The following TUBA8 variants were observed in gnomAD, a reference collection of about 807,000 sequenced individuals.
TUBA8 encodes the protein tubulin alpha-8 chain.
In TUBA8, 29 loss-of-function variants were observed where a neutral mutation model predicts 34.7. That is an observed-to-expected ratio of 0.84 (90% CI 0.62 to 1.14). The LOEUF is 1.14. Ranked by LOEUF, TUBA8 falls within the 50% of genes most tolerant of loss-of-function variation. The probability of loss-of-function intolerance (pLI) is 0.00; values close to 1 mark genes in which losing one functional copy is unlikely to be tolerated. For synonymous variants in TUBA8, 226 were observed against 231.2 expected (o/e 0.98, Z 0.21); for missense variants, 541 against 599.2 (o/e 0.90, Z 1.01).
chr22:18,130,870 G>C lies in TUBA8; in HGVS notation c.1084G>C (p.Val362Leu). The change falls in exon 5 of 5, where the codon GTG (valine) becomes CTG (leucine). Residue 362 changes from valine to leucine, a missense_variant. Coordinates refer to ENST00000330423, the MANE Select transcript of TUBA8 (RefSeq NM_018943.3). ...KVGINYQPPT[V>L]VPGGDLAKVQ... Reference sequence around the variant, plus strand: ...GGGCATCAACTACCAGCCCCCGACCGTGGTCCCCGGGGGAGACCTGGCCAA... The same window carrying C: ...GGGCATCAACTACCAGCCCCCGACCCTGGTCCCCGGGGGAGACCTGGCCAA... The C allele has an allele frequency of 6.2e-7, 1 of 1,613,922 alleles. No homozygotes were observed.
rs185836779 is a variant in TUBA8 at position 18,124,327 on chromosome 22, C to T, written c.375+23C>T. On this transcript the variant is annotated intron_variant, in intron 3 of 4. Transcript: ENST00000330423. This position sits in a 1 kb window ranked among gnomAD's most constrained non-coding sequence, Gnocchi z 4.3. ...CTGGTAAGATCAGGAGGGCAGGGGA[C>T]GGGTGGGTCAGGCTGGAGTGGACAG... The T allele has an allele frequency of 2.0e-4, 308 of 1,577,924 alleles. 2 individuals carry two copies. Among genetic ancestry groups the T allele is most frequent in the South Asian group, 1.6e-3 (144 of 89,428 alleles).
chr22:18,127,594 C>T (rs28396504), intron 4 of TUBA8: 15,346 of 151,946 alleles, frequency 0.1, 1,425 homozygotes, highest in African/African-American at 0.25. Context: ...GGGGTTTCAC[C>T]GTGTTAGCCA....
At chr22:18,127,082 G>T in intron 4 of TUBA8, 48 bp downstream of exon 4, 4 of 1,604,664 alleles carry the variant, frequency 2.5e-6, no homozygotes, top group South Asian at 1.1e-5. Context: ...GAGAAGCAGA[G>T]GGAGGTGACC....
chr22:18,129,430 T>G (rs914224745), intron 4 of TUBA8: 1 of 152,248 alleles, frequency 6.6e-6, no homozygotes, highest in Non-Finnish European at 1.5e-5. Context: ...TTGCATTCTC[T>G]CCAACAGTAC....
At chr22:18,128,932 G>A (rs938276438) in intron 4 of TUBA8, 2 of 152,380 alleles carry the variant, frequency 1.3e-5, no homozygotes, top group African/African-American at 2.4e-5. Flanking sequence ...GTGAAGAGAT[G>A]AGCATGCCTC....
Position 18,130,931 on chromosome 22 carries a change from C to T in TUBA8, c.1145C>T (p.Thr382Met), listed in dbSNP as rs773803214. 3.3e-5 allele frequency: 53 copies of T among 1,614,050 alleles called. No individual in the cohort carries two copies. Among genetic ancestry groups the T allele is most frequent in the African/African-American group, 8.0e-5 (6 of 74,914 alleles). Residue 382 changes from threonine (T) to methionine (M), a missense_variant, in exon 5 of 5, where the codon ACG (threonine) becomes ATG (methionine). Thr to Met is a moderately conservative substitution (Grantham distance 81). Transcript: ENST00000330423. ...QRAVCMLSNTTAIAEAWARLD... is the reference protein window; with the variant it reads ...QRAVCMLSNTMAIAEAWARLD... ...GCCGTCTGCATGCTCAGCAACACCACGGCCATTGCGGAGGCCTGGGCCCGC... is the reference window on the plus strand; with the variant it reads ...GCCGTCTGCATGCTCAGCAACACCATGGCCATTGCGGAGGCCTGGGCCCGC...
In TUBA8 at chr22:18,111,057, G is replaced by A. The variant is rs1927789307; in HGVS notation, c.3+189G>A. On this transcript the variant is annotated intron_variant, in intron 1 of 4. Transcript: ENST00000330423. This position sits in a 1 kb window ranked among gnomAD's most constrained non-coding sequence, Gnocchi z 5.1. ...ACACCCGGTGCCCTTTATCGTATGG[G>A]GGAAATAGAGACCAGGGGCCAGTTG... The A allele has an allele frequency of 2.5e-6, 2 of 789,794 alleles. No homozygotes were observed. Among genetic ancestry groups the A allele is most frequent in the South Asian group, 3.3e-5 (2 of 60,298 alleles). 48.9% of individuals were successfully genotyped at this position (789,794 alleles called of 1,614,324 possible).
chr22:18,130,804 A>G (rs1928475481), intron 4 of TUBA8, 39 bp from the exon 5 acceptor site: 7 of 1,612,296 alleles, frequency 4.3e-6, no homozygotes, highest in Non-Finnish European at 5.9e-6. Flanking sequence ...GCTGACTTGT[A>G]TCTTCTTCTG....
Position 18,121,456 on chromosome 22 carries a change from T to C in TUBA8, c.4-23T>C. The C allele has an allele frequency of 5.6e-6, 9 of 1,609,468 alleles. No homozygotes were observed. The highest frequency in any genetic ancestry group is 7.7e-6 in the Non-Finnish European group (9 of 1,175,684). On this transcript the variant is annotated intron_variant, in intron 1 of 4. Coordinates refer to ENST00000330423, the MANE Select transcript of TUBA8 (RefSeq NM_018943.3). This position sits in a 1 kb window ranked among gnomAD's most constrained non-coding sequence, Gnocchi z 4.8. ...TGCTGGGGGCCCAGACTCTCTGACCTCGTTGCTTCCCTCTCCCCACAGCGG... is the reference window on the plus strand; with the variant it reads ...TGCTGGGGGCCCAGACTCTCTGACCCCGTTGCTTCCCTCTCCCCACAGCGG...
Position 18,126,010 on chromosome 22 carries a change from C to T in TUBA8, c.376-344C>T. 1 of 336,908 alleles carries T rather than the reference C, an allele frequency of 3.0e-6. No individual in the cohort carries two copies. Among genetic ancestry groups the T allele is most frequent in the Non-Finnish European group, 5.6e-6 (1 of 177,216 alleles). 20.9% of individuals were successfully genotyped at this position (336,908 alleles called of 1,614,324 possible). ...CCAAGTAACTGGGACTACAGGTGTG[C>T]ATCACCACGCCCAGTTAACTTTTAA... On this transcript the variant is annotated intron_variant, in intron 3 of 4. Coordinates refer to ENST00000330423, the MANE Select transcript of TUBA8 (RefSeq NM_018943.3). This position sits in a 1 kb window ranked among gnomAD's most constrained non-coding sequence, Gnocchi z 4.0.
rs774914844 is a variant in TUBA8 at position 18,126,702 on chromosome 22, C to T, written c.724C>T (p.Leu242Phe). The T allele has an allele frequency of 1.2e-6, 2 of 1,614,208 alleles. No homozygotes were observed. Among genetic ancestry groups the T allele is most frequent in the Admixed American group, 3.3e-5 (2 of 60,024 alleles). ...GATTGTGTCCTCAATCACTGCTTCT[C>T]TCCGCTTTGACGGGGCCCTCAATGT... The part of the protein sequence containing the change: ...SQIVSSITAS[L>F]RFDGALNVDL... Residue 242 changes from leucine (L) to phenylalanine (F), a missense_variant, in exon 4 of 5, where the codon CTC becomes TTC. By Grantham distance (22) the Leu-to-Phe change is conservative (BLOSUM62 0). Coordinates refer to ENST00000330423, the MANE Select transcript of TUBA8 (RefSeq NM_018943.3). The surrounding 1 kb of genome is among the most constrained non-coding windows in gnomAD (Gnocchi z 4.0).
Position 18,121,571 on chromosome 22 carries a change from A to T in TUBA8, c.96A>T (p.Ala32=), listed in dbSNP as rs1383335701. The T allele has an allele frequency of 1.9e-6, 3 of 1,614,254 alleles. No homozygotes were observed. The highest frequency in any genetic ancestry group is 2.5e-6 in the Non-Finnish European group (3 of 1,180,050). Residue 32 remains alanine (A), a synonymous_variant, in exon 2 of 5, where the codon GCA becomes GCT. Coordinates refer to ENST00000330423, the MANE Select transcript of TUBA8 (RefSeq NM_018943.3). The surrounding 1 kb of genome is among the most constrained non-coding windows in gnomAD (Gnocchi z 4.8). The part of the protein sequence containing the change: ...ELFCLEHGIQ[A]DGTFDAQASK... Reference sequence around the variant, plus strand: ...TCTGCCTGGAACACGGCATCCAGGCAGACGGCACTTTTGATGCTCAAGCTA... The same window carrying T: ...TCTGCCTGGAACACGGCATCCAGGCTGACGGCACTTTTGATGCTCAAGCTA...
At chr22:18,117,753 C>T (rs1238182538) in intron 1 of TUBA8, 1 of 126,058 alleles carries the variant, frequency 7.9e-6, no homozygotes, top group Non-Finnish European at 1.6e-5. Flanking sequence ...CCAGTCTGGG[C>T]GTCAGAGTGA....
chr22:18,130,193 C>T (rs750159408), intron 4 of TUBA8: 3 of 152,206 alleles, frequency 2.0e-5, no homozygotes, highest in East Asian at 3.8e-4. Context: ...TAAATTTACT[C>T]GCAACACAAC....
chr22:18,123,991 G>A (rs74837116), intron 2 of TUBA8, 165 bp from the exon 3 acceptor site: 28 of 818,582 alleles, frequency 3.4e-5, no homozygotes, highest in Admixed American at 1.0e-4. Flanking sequence ...TGAGCTACCC[G>A]GGAATTCTCT....
At position 18,123,178 on chromosome 22, in the gene TUBA8, G is replaced by GTTTA. The variant is rs564875227; in HGVS notation, c.227-978_227-977insTTTA. On this transcript the variant is annotated intron_variant, in intron 2 of 4. Transcript: ENST00000330423. ...TGCAGCATGAAAGAAAAAACAAAAG[G>GTTTA]GAAACCTGGAGGAGTCAAGGTGGAA... The GTTTA allele has an allele frequency of 1.2e-4, 18 of 150,870 alleles. No homozygotes were observed. In the South Asian group the frequency reaches 3.8e-3, roughly 32 times the overall value. 9.3% of individuals were successfully genotyped at this position (150,870 alleles called of 1,614,324 possible).
chr22:18,116,529 A>T (rs1240138234), intron 1 of TUBA8: 1 of 152,204 alleles, frequency 6.6e-6, no homozygotes, highest in East Asian at 1.9e-4. Flanking sequence ...ATATTAGGTG[A>T]TCCATGAGGC....
chr22:18,111,043 C>A lies in TUBA8; in HGVS notation c.3+175C>A, dbSNP rs1927788701. On this transcript the variant is annotated intron_variant, in intron 1 of 4. Coordinates refer to ENST00000330423, the MANE Select transcript of TUBA8 (RefSeq NM_018943.3). This position sits in a 1 kb window ranked among gnomAD's most constrained non-coding sequence, Gnocchi z 5.1. ...ACCCTCGGGCGGGAACACCCGGTGC[C>A]CTTTATCGTATGGGGGAAATAGAGA... 1 of 927,746 alleles carries A rather than the reference C, an allele frequency of 1.1e-6. No individual in the cohort carries two copies. Among genetic ancestry groups the A allele is most frequent in the Admixed American group, 2.2e-5 (1 of 46,508 alleles). 57.5% of individuals were successfully genotyped at this position (927,746 alleles called of 1,614,324 possible).
chr22:18,124,313 A>G lies in TUBA8; in HGVS notation c.375+9A>G. The G allele has an allele frequency of 6.2e-7, 1 of 1,611,136 alleles. No homozygotes were observed. The highest frequency in any genetic ancestry group is 8.5e-7 in the Non-Finnish European group (1 of 1,178,636). On this transcript the variant is annotated intron_variant, in intron 3 of 4. Transcript: ENST00000330423. This position sits in a 1 kb window ranked among gnomAD's most constrained non-coding sequence, Gnocchi z 4.3. ...ACCGCATACGGAAGCTGGTAAGATC[A>G]GGAGGGCAGGGGACGGGTGGGTCAG...
Sources: allele counts gnomAD v4.1 joint callset, GRCh38; gene constraint gnomAD v4.1.1; non-coding constraint Gnocchi (gnomAD v3.1); transcripts MANE v1.5; gene names NCBI Gene and HGNC (gene_info 2026-07-23, HGNC 2026-07-21).